Variants in MIPEP observed in about 807,000 individuals in gnomAD.
MIPEP encodes the protein mitochondrial intermediate peptidase.
A neutral mutation model predicts 90.3 loss-of-function variants in MIPEP; 79 were observed. The observed-to-expected ratio is 0.87, with a 90% CI of 0.73 to 1.05. MIPEP has a LOEUF of 1.05. MIPEP is among the 50% of genes least tolerant of loss of function. The probability of loss-of-function intolerance (pLI) is 0.00; values close to 1 mark genes in which losing one functional copy is unlikely to be tolerated. For missense variants in MIPEP, 940 were observed against 905.6 expected, an observed-to-expected ratio of 1.04 and a Z score of -0.49; for synonymous variants, 334 against 315.8, an observed-to-expected ratio of 1.06 and a Z score of -0.61.
intron 1 of MIPEP, chr13:23,888,829 CCTGGCAGGACGAATTCA>C (rs1428381492): frequency 9.2e-6 from 8 of 869,832 alleles, no homozygotes; most frequent in Non-Finnish European, 8.8e-6. Flanking sequence ...GAGGGCGGGT[CCTGGCAGGACGAATTCA>C]CCGCCACTGC....
At chr13:23,760,892 A>T (rs1024543526) in intron 16 of MIPEP, among the ~76,000 whole-genome samples, 2 of 152,212 alleles carry the variant, frequency 1.3e-5, no homozygotes, top group African/African-American at 4.8e-5. Context: ...CAAAAACAGT[A>T]AAGTCAGGAG....
At chr13:23,795,625 T>C (rs1389424078) in intron 16 of MIPEP, among the ~76,000 whole-genome samples, 1 of 152,240 alleles carries the variant, frequency 6.6e-6, no homozygotes, top group East Asian at 1.9e-4. Context: ...CATTATATAC[T>C]TGATGCTACA....
At chr13:23,849,158 G>A (rs562177980) in intron 10 of MIPEP, among the ~76,000 whole-genome samples, 63 of 152,330 alleles carry the variant, frequency 4.1e-4, no homozygotes, top group African/African-American at 1.5e-3. Flanking sequence ...GCCGACCTGT[G>A]AACAACCAAC....
chr13:23,760,416 T>C (rs1273376603), intron 16 of MIPEP, 199 bp from the exon 17 acceptor site: 4 of 773,754 alleles, frequency 5.2e-6, no homozygotes, highest in African/African-American at 5.1e-5. Flanking sequence ...CTCCTGAAAA[T>C]TCACATGTTG....
intron 16 of MIPEP, among the ~76,000 whole-genome samples, chr13:23,762,262 C>A (rs774937021): frequency 6.6e-6 from 1 of 151,892 alleles, no homozygotes; most frequent in Non-Finnish European, 1.5e-5. Flanking sequence ...ATAATCCTTG[C>A]TACAACTCTA....
At chr13:23,774,672 T>C (rs997801915) in intron 16 of MIPEP, among the ~76,000 whole-genome samples, 2 of 152,056 alleles carry the variant, frequency 1.3e-5, no homozygotes, top group Non-Finnish European at 2.9e-5. Flanking sequence ...CTATTGTAAA[T>C]AGAACGGTCT....
intron 18 of MIPEP, among the ~76,000 whole-genome samples, chr13:23,731,752 T>C (rs1952207491): frequency 6.6e-6 from 1 of 151,914 alleles, no homozygotes; most frequent in Non-Finnish European, 1.5e-5. Flanking sequence ...ATCCAGAAAA[T>C]ATAAAGAACT....
At position 23,869,335 on chromosome 13, in the gene MIPEP, C is replaced by T. The variant is rs7330439; in HGVS notation, c.900G>A (p.Thr300=). 2,037 of 1,612,088 alleles carry T rather than the reference C, an allele frequency of 1.3e-3. 18 individuals are homozygous for T. In the African/African-American group the frequency reaches 0.023, roughly 18 times the overall value. ...TTCCTTGGAGAGCCCTGTGAGAAAA[C>T]GTGGAATACCCCACCAACTTTGCCA... ...DLLAKLVGYS[T]FSHRALQGTI... Residue 300 remains threonine (T), a synonymous_variant, in exon 7 of 19, where the codon ACG becomes ACA. Transcript: ENST00000382172.
rs75843567 is a variant in MIPEP, at chr13:23,744,195, T to C, written c.2044+12350A>G. ...ATTTTCCTACAAAATCATTTTACTGTAGGTAAGGCAATTACATACTAGTAT... is the reference window on the plus strand; with the variant it reads ...ATTTTCCTACAAAATCATTTTACTGCAGGTAAGGCAATTACATACTAGTAT... On this transcript the variant is annotated intron_variant, in intron 18 of 18. Transcript: ENST00000382172. Among the ~76,000 whole-genome samples the C allele has an allele frequency of 2.1e-3, 318 of 152,330 alleles. 2 individuals carry two copies. The highest frequency in any genetic ancestry group is 7.1e-3 in the African/African-American group (295 of 41,560).
chr13:23,871,086 G>C (rs1209314787), intron 5 of MIPEP, among the ~76,000 whole-genome samples: 1 of 152,188 alleles, frequency 6.6e-6, no homozygotes, highest in Non-Finnish European at 1.5e-5. Context: ...GAATGATACA[G>C]TGAAGTCTAA....
chr13:23,772,153 CCTGT>C (rs1338199319), intron 16 of MIPEP, among the ~76,000 whole-genome samples: 1 of 152,162 alleles, frequency 6.6e-6, no homozygotes, highest in African/African-American at 2.4e-5. Flanking sequence ...CATGTTACCA[CCTGT>C]ATTTTGTTCA....
chr13:23,856,618 G>A (rs1463201284), intron 10 of MIPEP, among the ~76,000 whole-genome samples: 1 of 152,146 alleles, frequency 6.6e-6, no homozygotes, highest in Admixed American at 6.5e-5. Context: ...GCGCTGGTGG[G>A]AGTGAATTAT....
At chr13:23,826,065 GA>G (rs200027386) in intron 14 of MIPEP, among the ~76,000 whole-genome samples, 46 of 145,544 alleles carry the variant, frequency 3.2e-4, no homozygotes, top group African/African-American at 1.0e-3. Flanking sequence ...AAATTACCAG[GA>G]AAAAAAAAAG....
At chr13:23,807,314 G>C (rs1953122028) in intron 15 of MIPEP, among the ~76,000 whole-genome samples, 1 of 152,150 alleles carries the variant, frequency 6.6e-6, no homozygotes, top group Admixed American at 6.5e-5. Flanking sequence ...CTTCATGCAG[G>C]CAAGTAGAAA....
At chr13:23,829,391 T>C (rs1232347893) in intron 14 of MIPEP, among the ~76,000 whole-genome samples, 1 of 151,880 alleles carries the variant, frequency 6.6e-6, no homozygotes, top group East Asian at 1.9e-4. Flanking sequence ...GGCATGCCTG[T>C]AAGCCTGGGC....
At chr13:23,739,580 ATC>A (rs932587196) in intron 18 of MIPEP, among the ~76,000 whole-genome samples, 10 of 152,354 alleles carry the variant, frequency 6.6e-5, no homozygotes, top group African/African-American at 2.4e-4. Context: ...AGGACTGGTC[ATC>A]TGTTGATAGG....
intron 18 of MIPEP, among the ~76,000 whole-genome samples, chr13:23,739,916 G>C (rs1952307168): frequency 6.6e-6 from 1 of 152,276 alleles, no homozygotes; most frequent in Non-Finnish European, 1.5e-5. Flanking sequence ...GAGTTGGGGA[G>C]AAAGCCATGG....
intron 10 of MIPEP, among the ~76,000 whole-genome samples, chr13:23,858,324 G>T (rs939124318): frequency 1.3e-5 from 2 of 151,978 alleles, no homozygotes; most frequent in Non-Finnish European, 2.9e-5. Flanking sequence ...GAGTACTTCT[G>T]TCAACTTAAG....
At chr13:23,828,255 T>C (rs912862862) in intron 14 of MIPEP, among the ~76,000 whole-genome samples, 2 of 152,262 alleles carry the variant, frequency 1.3e-5, no homozygotes, top group African/African-American at 4.8e-5. Flanking sequence ...TAAAAACATT[T>C]CCTTTAAACA....
Sources: gnomAD v4.1 joint callset for allele counts (sites outside exome capture counted in the v4.1 genomes callset) on GRCh38, gnomAD v4.1.1 for gene constraint, MANE v1.5 for transcripts, NCBI Gene and HGNC (gene_info 2026-07-23, HGNC 2026-07-21) for gene names.